The following PPM1E variants were observed in gnomAD, a reference collection of about 807,000 sequenced individuals.
PPM1E encodes protein phosphatase, Mg2+/Mn2+ dependent 1E.
PPM1E carries 20 observed loss-of-function variants against 65.9 expected under a neutral mutation model. That is an observed-to-expected ratio of 0.30 (90% CI 0.21 to 0.44). The LOEUF (loss-of-function observed/expected upper bound fraction) is 0.44, where lower values mean the gene tolerates loss of function less well. Among genes scored for constraint, PPM1E ranks in the 20% least tolerant of loss-of-function variants. The pLI is 1.00. For synonymous variants in PPM1E, 352 were observed against 374.9 expected (o/e 0.94, Z 0.70); for missense variants, 713 against 953.1 (o/e 0.75, Z 3.32).
rs145383084 is a variant in PPM1E, at chr17:58,843,547, G to A, written c.464+87086G>A. ...AAAAATAAAACTGTAGAACAAGGCC[G>A]GGCACAGTGGCTCACACCTGTAATC... On this transcript the variant is annotated intron_variant, in intron 1 of 6. Coordinates refer to ENST00000308249, the MANE Select transcript of PPM1E (RefSeq NM_014906.5). Among the ~76,000 whole-genome samples the A allele has an allele frequency of 8.2e-4, 124 of 151,968 alleles. No homozygotes were observed. The East Asian group carries it at 0.011, about 14-fold the overall frequency.
chr17:58,806,631 G>A (rs1031784124), intron 1 of PPM1E, among the ~76,000 whole-genome samples: 1 of 151,926 alleles, frequency 6.6e-6, no homozygotes, highest in South Asian at 2.1e-4. Context: ...GGATGAGGTG[G>A]AAGGAATATG....
chr17:58,984,080 T>A lies in PPM1E; in HGVS notation c.*3049T>A, dbSNP rs1019972333. On this transcript the variant is annotated 3_prime_UTR_variant, in exon 7 of 7. Coordinates refer to ENST00000308249, the MANE Select transcript of PPM1E (RefSeq NM_014906.5). Reference sequence around the variant, plus strand: ...ACTAAAGAGGATGGGTAGAAACACATATGTATATACCTTTTCTTTACCTAG... The same window carrying A: ...ACTAAAGAGGATGGGTAGAAACACAAATGTATATACCTTTTCTTTACCTAG... 6.6e-6 allele frequency: 1 copy of A among 152,636 alleles called. No homozygotes were observed. Among genetic ancestry groups the A allele is most frequent in the East Asian group, 1.9e-4 (1 of 5,204 alleles). The allele number at this position is 152,636 out of a possible 1,614,324, so 9.5% of individuals were successfully genotyped here. A position where few individuals can be genotyped will look rare whatever the true frequency, so the allele number is the denominator to read the frequency against.
intron 1 of PPM1E, among the ~76,000 whole-genome samples, chr17:58,844,815 C>T (rs1353921972): frequency 1.3e-5 from 2 of 152,132 alleles, no homozygotes; most frequent in Admixed American, 1.3e-4. Flanking sequence ...TATTTGTACC[C>T]TAATAAGAAA....
Position 58,756,130 on chromosome 17 carries a change from TCCGAGC to T in PPM1E, c.144_149del (p.Pro51_Glu52del), listed in dbSNP as rs781412388. 2.7e-6 allele frequency: 2 copies of T among 754,642 alleles called. No individual in the cohort carries two copies. Among genetic ancestry groups the T allele is most frequent in the Admixed American group, 2.3e-5 (1 of 43,492 alleles). The allele number at this position is 754,642 out of a possible 1,614,324, so 46.7% of individuals were successfully genotyped here. On this transcript the variant is annotated inframe_deletion, in exon 1 of 7. Coordinates refer to ENST00000308249, the MANE Select transcript of PPM1E (RefSeq NM_014906.5). ...ACCCGAACCCGAACCCGAACCCGAGTCCGAGCCCGAGCCCGAACCTGAACTGGTAGA... is the reference window on the plus strand; with the variant it reads ...ACCCGAACCCGAACCCGAACCCGAGTCCGAGCCCGAACCTGAACTGGTAGA...
rs372400508 is a variant in PPM1E, at chr17:58,781,244, G to T, written c.464+24783G>T. On this transcript the variant is annotated intron_variant, in intron 1 of 6. Coordinates refer to ENST00000308249, the MANE Select transcript of PPM1E (RefSeq NM_014906.5). ...CAACCTCCACCTCCTGGGTTCAAGT[G>T]ATTCTCCTGCCCCAGCCTCCTGAGT... 1.0e-4 allele frequency among the ~76,000 whole-genome samples: 15 copies of T among 150,324 alleles called. No individual in the cohort carries two copies. In the East Asian group the frequency reaches 2.4e-3, roughly 24 times the overall value.
chr17:58,883,624 C>T (rs945830356), intron 1 of PPM1E, among the ~76,000 whole-genome samples: 6 of 151,344 alleles, frequency 4.0e-5, no homozygotes, highest in Admixed American at 1.3e-4. Flanking sequence ...GCTGGGACTA[C>T]AGGCGCCCGC....
intron 1 of PPM1E, among the ~76,000 whole-genome samples, chr17:58,856,547 A>G (rs1387990290): frequency 6.6e-6 from 1 of 152,212 alleles, no homozygotes; most frequent in Non-Finnish European, 1.5e-5. Flanking sequence ...TGTCTCCACC[A>G]AATTCATATG....
chr17:58,825,224 T>TCACACACACACACACA (rs71367635), intron 1 of PPM1E, among the ~76,000 whole-genome samples: 7 of 140,014 alleles, frequency 5.0e-5, no homozygotes, highest in Non-Finnish European at 7.8e-5. Context: ...ACACACACAC[T>TCACACACACACACACA]CACACACACA....
At chr17:58,891,730 G>T (rs1456646180) in intron 1 of PPM1E, among the ~76,000 whole-genome samples, 1 of 150,890 alleles carries the variant, frequency 6.6e-6, no homozygotes, top group Admixed American at 6.6e-5. Context: ...CTCTATTTTT[G>T]TTGGTTCTTT....
intron 1 of PPM1E, among the ~76,000 whole-genome samples, chr17:58,809,511 G>A (rs1044063617): frequency 6.6e-6 from 1 of 152,076 alleles, no homozygotes; most frequent in African/African-American, 2.4e-5. Context: ...GCCTCCCAAG[G>A]TAGCTAAGAC....
At chr17:58,870,392 GTA>G (rs2051056124) in intron 1 of PPM1E, among the ~76,000 whole-genome samples, 1 of 152,174 alleles carries the variant, frequency 6.6e-6, no homozygotes, top group South Asian at 2.1e-4. Context: ...TGTTATATGG[GTA>G]TATTGTGTGA....
chr17:58,854,665 G>GT (rs2050863281), intron 1 of PPM1E, among the ~76,000 whole-genome samples: 1 of 151,776 alleles, frequency 6.6e-6, no homozygotes, highest in South Asian at 2.1e-4. Context: ...GATCATGTGG[G>GT]TTTTTTCCTT....
chr17:58,758,220 A>G (rs1465194249), intron 1 of PPM1E, among the ~76,000 whole-genome samples: 2 of 152,022 alleles, frequency 1.3e-5, no homozygotes. Flanking sequence ...GATGATGGCA[A>G]GAAGATGTGT....
Position 58,791,853 on chromosome 17 carries a change from T to A in PPM1E, c.464+35392T>A, listed in dbSNP as rs190941322. On this transcript the variant is annotated intron_variant, in intron 1 of 6. Coordinates refer to ENST00000308249, the MANE Select transcript of PPM1E (RefSeq NM_014906.5). ...GCCTCAGATGAAGTCTGTTATTCTATAAATAGCCTCTGTATTCCTTAACCC... is the reference window on the plus strand; with the variant it reads ...GCCTCAGATGAAGTCTGTTATTCTAAAAATAGCCTCTGTATTCCTTAACCC... Among the ~76,000 whole-genome samples, 20 of 152,352 alleles carry A rather than the reference T, an allele frequency of 1.3e-4. No homozygotes were observed. In the East Asian group the frequency reaches 3.7e-3, roughly 28 times the overall value.
At chr17:58,824,658 A>G (rs2050514289) in intron 1 of PPM1E, among the ~76,000 whole-genome samples, 1 of 149,946 alleles carries the variant, frequency 6.7e-6, no homozygotes, top group African/African-American at 2.5e-5. Flanking sequence ...GCGTGATCTC[A>G]GCTCACTGCA....
chr17:58,796,983 A>G (rs1476861922), intron 1 of PPM1E, among the ~76,000 whole-genome samples: 3 of 152,106 alleles, frequency 2.0e-5, no homozygotes, highest in South Asian at 2.1e-4. Context: ...ACGGGTGCCT[A>G]TAATCCCAGC....
chr17:58,926,722 T>C (rs1012763009), intron 1 of PPM1E, among the ~76,000 whole-genome samples: 2 of 152,180 alleles, frequency 1.3e-5, no homozygotes, highest in African/African-American at 4.8e-5. Flanking sequence ...TATGGCATTT[T>C]TGGAAACTGG....
At chr17:58,972,721 AAG>A (rs1315419337) in intron 5 of PPM1E, 109 bp from the exon 6 acceptor site, 1 of 978,186 alleles carries the variant, frequency 1.0e-6, no homozygotes, top group Non-Finnish European at 1.6e-6. Flanking sequence ...TGGAGAAACA[AAG>A]AGAACCTTTT....
intron 1 of PPM1E, among the ~76,000 whole-genome samples, chr17:58,805,990 C>CAAAA (rs1168126201): frequency 2.8e-5 from 2 of 71,372 alleles, no homozygotes; most frequent in Admixed American, 1.4e-4. Flanking sequence ...AAAAACAAAA[C>CAAAA]AAAACAAAAC....
Sources: allele counts gnomAD v4.1 joint callset (sites outside exome capture counted in the v4.1 genomes callset), GRCh38; gene constraint gnomAD v4.1.1; transcripts MANE v1.5; gene names NCBI Gene and HGNC (gene_info 2026-07-23, HGNC 2026-07-21).